Variants in TAF1B observed in about 807,000 individuals in gnomAD.
TAF1B encodes TATA box-binding protein-associated factor RNA polymerase I subunit B.
Under a neutral mutation model 83.9 loss-of-function variants are expected in TAF1B, and 61 were observed. The ratio of observed to expected loss-of-function variants is 0.73; its 90% CI spans 0.59 to 0.90. The LOEUF is 0.90. TAF1B is among the 40% of genes least tolerant of loss of function. The pLI is 0.00. For missense variants in TAF1B, 625 were observed against 677.0 expected, an observed-to-expected ratio of 0.92 and a Z score of 0.85; for synonymous variants, 221 against 224.6, an observed-to-expected ratio of 0.98 and a Z score of 0.14.
intron 9 of TAF1B, 53 bp from the exon 10 acceptor site, chr2:9,910,683 T>C: frequency 6.6e-7 from 1 of 1,509,012 alleles, no homozygotes; most frequent in Non-Finnish European, 9.1e-7. Context: ...GATATATACA[T>C]TGGGGATGGT....
At chr2:9,918,948 C>T (rs540413348) in intron 12 of TAF1B, 93 bp from the exon 13 acceptor site, 43 of 1,108,386 alleles carry the variant, frequency 3.9e-5, no homozygotes, top group Non-Finnish European at 5.0e-5. Flanking sequence ...AGAGCTATAA[C>T]GAAATATCAG....
chr2:9,888,009 C>G (rs1664732286), intron 8 of TAF1B, among the ~76,000 whole-genome samples: 1 of 152,100 alleles, frequency 6.6e-6, no homozygotes, highest in African/African-American at 2.4e-5. Flanking sequence ...AATACCCCCA[C>G]AGCCAACTAA....
At chr2:9,915,596 T>G (rs1178944900) in intron 12 of TAF1B, among the ~76,000 whole-genome samples, 3 of 152,184 alleles carry the variant, frequency 2.0e-5, no homozygotes, top group Non-Finnish European at 4.4e-5. Flanking sequence ...TATATACCAA[T>G]TAGAATGGTT....
At chr2:9,868,572 CAT>C in intron 6 of TAF1B, 143 bp downstream of exon 6, 1 of 1,178,130 alleles carries the variant, frequency 8.5e-7, no homozygotes, top group South Asian at 1.3e-5. Context: ...CTTGCTGAAT[CAT>C]ATGGCTAAGA....
chr2:9,884,469 A>G (rs1489112676), intron 8 of TAF1B, among the ~76,000 whole-genome samples: 1 of 152,224 alleles, frequency 6.6e-6, no homozygotes, highest in Non-Finnish European at 1.5e-5. Context: ...TACACAGATA[A>G]GTGGAGGGTG....
chr2:9,899,597 A>C (rs2125166225), intron 8 of TAF1B, among the ~76,000 whole-genome samples: 1 of 152,326 alleles, frequency 6.6e-6, no homozygotes, highest in African/African-American at 2.4e-5. Context: ...CAGTTCCAGA[A>C]GTGCAATTAG....
intron 8 of TAF1B, among the ~76,000 whole-genome samples, chr2:9,886,881 A>G (rs1664691164): frequency 6.6e-6 from 1 of 152,170 alleles, no homozygotes; most frequent in South Asian, 2.1e-4. Context: ...CCTTGCCAAT[A>G]TGGTGAAACC....
At position 9,882,748 on chromosome 2, in the gene TAF1B, G is replaced by C. The variant is rs754453093; in HGVS notation, c.750G>C (p.Gln250His). The C allele has an allele frequency of 1.2e-5, 20 of 1,611,254 alleles. No homozygotes were observed. Among genetic ancestry groups the C allele is most frequent in the Non-Finnish European group, 1.7e-5 (20 of 1,178,702 alleles). ...ATATTCCTTACATAAATGCTTTTCA[G>C]CATTTTCCAGAACAGATGAAATTAT... ...EDHIPYINAF[Q>H]HFPEQMKLYG... Residue 250 changes from glutamine to histidine, a missense_variant, in exon 8 of 15, where the codon CAG becomes CAC. Coordinates refer to ENST00000263663, the MANE Select transcript of TAF1B (RefSeq NM_005680.3).
intron 5 of TAF1B, among the ~76,000 whole-genome samples, chr2:9,858,243 G>A (rs986764831): frequency 2.6e-5 from 4 of 152,252 alleles, no homozygotes; most frequent in Non-Finnish European, 5.9e-5. Flanking sequence ...CCGAAACCCA[G>A]CAGGGCATTC....
At chr2:9,922,314 ACCTTCCCTCTG>A (rs1665901683) in intron 14 of TAF1B, among the ~76,000 whole-genome samples, 1 of 151,958 alleles carries the variant, frequency 6.6e-6, no homozygotes, top group Admixed American at 6.6e-5. Context: ...GGCCCTCTTG[ACCTTCCCTCTG>A]CTGTCCTCTG....
At chr2:9,927,959 A>C (rs1666094624) in intron 14 of TAF1B, among the ~76,000 whole-genome samples, 1 of 152,034 alleles carries the variant, frequency 6.6e-6, no homozygotes, top group African/African-American at 2.4e-5. Context: ...CCTGAATGGT[A>C]TTGCCTAGGT....
At chr2:9,901,306 A>G (rs1238555186) in intron 8 of TAF1B, among the ~76,000 whole-genome samples, 1 of 152,220 alleles carries the variant, frequency 6.6e-6, no homozygotes, top group African/African-American at 2.4e-5. Flanking sequence ...CTGAATTGAG[A>G]CTAGCAGAAT....
intron 7 of TAF1B, among the ~76,000 whole-genome samples, chr2:9,880,644 A>G (rs951496337): frequency 6.6e-6 from 1 of 151,954 alleles, no homozygotes; most frequent in African/African-American, 2.4e-5. Context: ...CAGTGTCTCT[A>G]CTGACTCATG....
At chr2:9,879,901 C>A (rs1158762819) in intron 7 of TAF1B, among the ~76,000 whole-genome samples, 2 of 152,154 alleles carry the variant, frequency 1.3e-5, no homozygotes, top group Admixed American at 1.3e-4. Flanking sequence ...GGAAGGAAAC[C>A]TCATACCCAG....
intron 8 of TAF1B, among the ~76,000 whole-genome samples, chr2:9,887,707 G>A (rs1038783770): frequency 6.6e-6 from 1 of 152,046 alleles, no homozygotes; most frequent in African/African-American, 2.4e-5. Flanking sequence ...TAATTCGTGT[G>A]TTTAAGCCAT....
chr2:9,850,645 C>T (rs1347254720), intron 3 of TAF1B, among the ~76,000 whole-genome samples: 2 of 151,788 alleles, frequency 1.3e-5, no homozygotes, highest in Admixed American at 1.3e-4. Flanking sequence ...AAGTCAGTAA[C>T]ACACCTCAGA....
intron 14 of TAF1B, among the ~76,000 whole-genome samples, chr2:9,926,937 A>G (rs1666059710): frequency 6.6e-6 from 1 of 151,906 alleles, no homozygotes; most frequent in South Asian, 2.1e-4. Context: ...GGTTTGTTAC[A>G]TAGATACATG....
At chr2:9,850,238 A>C (rs984166034) in intron 3 of TAF1B, among the ~76,000 whole-genome samples, 2 of 152,162 alleles carry the variant, frequency 1.3e-5, no homozygotes, top group African/African-American at 2.4e-5. Flanking sequence ...AATAGTTAAA[A>C]TGTGTAGTTT....
At chr2:9,868,860 T>A (rs1489004769) in intron 6 of TAF1B, 2 of 348,662 alleles carry the variant, frequency 5.7e-6, no homozygotes, top group Non-Finnish European at 1.1e-5. Context: ...TTGTTACATG[T>A]GTGTTTTACT....
Sources: gnomAD v4.1 joint callset for allele counts (sites outside exome capture counted in the v4.1 genomes callset) on GRCh38, gnomAD v4.1.1 for gene constraint, MANE v1.5 for transcripts, NCBI Gene and HGNC (gene_info 2026-07-23, HGNC 2026-07-21) for gene names.